Variants in BLTP1 observed in about 807,000 individuals in gnomAD.
BLTP1 encodes the protein fragile site-associated protein.
the BLTP1 span, chr4:122,311,043 T>C: frequency 3.9e-6 from 1 of 257,108 alleles, no homozygotes; most frequent in Non-Finnish European, 6.1e-6. Context: ...AATTTAAACT[T>C]AGTGATTTTT....
At chr4:122,158,931 A>T in the BLTP1 span, among the ~76,000 whole-genome samples, 1 of 152,150 alleles carries the variant, frequency 6.6e-6, no homozygotes, top group Non-Finnish European at 1.5e-5. Flanking sequence ...AGCATGAAGA[A>T]CCATTTTTGT....
the BLTP1 span, chr4:122,246,716 G>C: frequency 2.0e-5 from 33 of 1,612,774 alleles, no homozygotes; most frequent in East Asian, 6.7e-5. Flanking sequence ...CTCAGTGGAA[G>C]AATCTCCAAC....
the BLTP1 span, among the ~76,000 whole-genome samples, chr4:122,182,268 G>A: frequency 6.6e-6 from 1 of 152,124 alleles, no homozygotes; most frequent in South Asian, 2.1e-4. Context: ...AGCTATTTCT[G>A]TTAACCTGAG....
chr4:122,254,750 T>C, the BLTP1 span: 1 of 1,436,748 alleles, frequency 7.0e-7, no homozygotes, highest in Non-Finnish European at 9.2e-7. Flanking sequence ...TGGGAGATTG[T>C]TTGGAATACA....
At chr4:122,231,574 T>C in the BLTP1 span, 6 of 813,246 alleles carry the variant, frequency 7.4e-6, no homozygotes, top group Non-Finnish European at 7.4e-6. Context: ...TTTATTTTCA[T>C]ATATGACTTT....
chr4:122,168,778 G>C, the BLTP1 span, among the ~76,000 whole-genome samples: 1 of 152,054 alleles, frequency 6.6e-6, no homozygotes, highest in Non-Finnish European at 1.5e-5. Context: ...TAGCTCCTGC[G>C]TTTAGGTTTT....
chr4:122,196,716 A>G, the BLTP1 span: 2 of 1,611,534 alleles, frequency 1.2e-6, no homozygotes, highest in East Asian at 2.2e-5. Context: ...GGAGACCAAG[A>G]CAGATCCTTG....
chr4:122,162,623 C>T, the BLTP1 span: 1 of 985,148 alleles, frequency 1.0e-6, no homozygotes, highest in Non-Finnish European at 1.2e-6. Context: ...TTCCTTTCAG[C>T]TATCACCCTA....
the BLTP1 span, chr4:122,249,644 T>C: frequency 7.4e-6 from 12 of 1,613,720 alleles, no homozygotes; most frequent in Non-Finnish European, 1.0e-5. Flanking sequence ...TGGGGATGGA[T>C]AATGTTTGAA....
chr4:122,334,299 C>T, the BLTP1 span: 2 of 1,404,808 alleles, frequency 1.4e-6, no homozygotes, highest in African/African-American at 1.5e-5. Flanking sequence ...TGATTTTCCT[C>T]ATCTTCATAA....
the BLTP1 span, chr4:122,263,397 C>T: frequency 5.4e-6 from 8 of 1,494,276 alleles, no homozygotes; most frequent in Admixed American, 2.4e-5. Context: ...TTTTTTGCTC[C>T]TTAGTATATA....
the BLTP1 span, chr4:122,154,544 T>C: frequency 1.1e-6 from 1 of 906,396 alleles, no homozygotes; most frequent in Non-Finnish European, 1.3e-6. Context: ...TGCTTGCTCT[T>C]TAATCTACCT....
At chr4:122,290,714 G>A in the BLTP1 span, among the ~76,000 whole-genome samples, 1 of 146,018 alleles carries the variant, frequency 6.8e-6, no homozygotes, top group African/African-American at 2.5e-5. Context: ...GTGAACCTGG[G>A]AGGTGGAGCT....
chr4:122,215,785 G>C, the BLTP1 span, among the ~76,000 whole-genome samples: 1 of 151,890 alleles, frequency 6.6e-6, no homozygotes, highest in South Asian at 2.1e-4. Flanking sequence ...TGCTGCACCC[G>C]TCACCTGAGC....
At chr4:122,210,960 T>G in the BLTP1 span, 3 of 1,613,478 alleles carry the variant, frequency 1.9e-6, no homozygotes, top group South Asian at 3.3e-5. Flanking sequence ...TTGTTTCTTC[T>G]CCCTCTACTT....
At chr4:122,155,876 A>G in the BLTP1 span, 5 of 294,784 alleles carry the variant, frequency 1.7e-5, no homozygotes, top group Non-Finnish European at 2.5e-5. Flanking sequence ...GAATTAAGAA[A>G]TGGAGATGGA....
At chr4:122,198,519 T>C in the BLTP1 span, 9 of 857,858 alleles carry the variant, frequency 1.0e-5, no homozygotes, top group South Asian at 2.1e-4. Context: ...TTTTACTGTT[T>C]TATGCAGTAT....
chr4:122,296,874 A>C, the BLTP1 span, among the ~76,000 whole-genome samples: 2 of 152,236 alleles, frequency 1.3e-5, no homozygotes, highest in South Asian at 4.1e-4. Context: ...CATATGCAGA[A>C]AATTTAAACT....
the BLTP1 span, chr4:122,331,862 G>T: frequency 1.4e-6 from 1 of 730,714 alleles, no homozygotes; most frequent in Non-Finnish European, 1.7e-6. Context: ...CAGTTTTAAA[G>T]AACAACACAA....
Sources: allele counts gnomAD v4.1 joint callset (sites outside exome capture counted in the v4.1 genomes callset), GRCh38; gene constraint gnomAD v4.1.1; transcripts MANE v1.5; gene names NCBI Gene and HGNC (gene_info 2026-07-23, HGNC 2026-07-21).